The following RALGPS2 variants were observed in gnomAD, a reference collection of about 807,000 sequenced individuals.
RALGPS2 encodes ras-specific guanine nucleotide-releasing factor RalGPS2.
A neutral mutation model predicts 86.8 loss-of-function variants in RALGPS2; 43 were observed. The observed-to-expected ratio is 0.50, with a 90% CI of 0.39 to 0.64. The LOEUF (loss-of-function observed/expected upper bound fraction) is 0.64, where lower values mean the gene tolerates loss of function less well. Among genes scored for constraint, RALGPS2 ranks in the 30% least tolerant of loss-of-function variants. RALGPS2 has a pLI of 0.00. For synonymous variants in RALGPS2, 243 were observed against 231.3 expected (o/e 1.05, Z -0.46); for missense variants, 536 against 694.6 (o/e 0.77, Z 2.57).
intron 7 of RALGPS2, 78 bp downstream of exon 7, chr1:178,821,782 T>A: frequency 2.8e-6 from 3 of 1,088,674 alleles, no homozygotes; most frequent in Non-Finnish European, 4.1e-6. Flanking sequence ...TTTGTAATTC[T>A]TATTAAAGTT....
chr1:178,773,853 A>T (rs1219710992), intron 1 of RALGPS2, among the ~76,000 whole-genome samples: 2 of 152,116 alleles, frequency 1.3e-5, no homozygotes, highest in Non-Finnish European at 2.9e-5. Flanking sequence ...AAAAGTTTAT[A>T]TTCTTTAAGG....
intron 17 of RALGPS2, among the ~76,000 whole-genome samples, chr1:178,901,685 C>CAAA (rs574365904): frequency 1.7e-5 from 2 of 119,776 alleles, no homozygotes; most frequent in African/African-American, 6.1e-5. Flanking sequence ...GAGACTGTCT[C>CAAA]AAAAAAAAAA....
chr1:178,738,011 C>A (rs1216411909), intron 1 of RALGPS2, among the ~76,000 whole-genome samples: 1 of 151,754 alleles, frequency 6.6e-6, no homozygotes, highest in Non-Finnish European at 1.5e-5. Context: ...AACTCCTGGG[C>A]TCAAGTAATC....
At chr1:178,859,556 A>G (rs935893362) in intron 8 of RALGPS2, among the ~76,000 whole-genome samples, 28 of 151,464 alleles carry the variant, frequency 1.8e-4, no homozygotes, top group South Asian at 2.1e-4. Flanking sequence ...GGCGCCCGCC[A>G]CTACGAAGTT....
chr1:178,786,016 T>C (rs1323433854), intron 4 of RALGPS2, among the ~76,000 whole-genome samples: 1 of 152,044 alleles, frequency 6.6e-6, no homozygotes, highest in Non-Finnish European at 1.5e-5. Flanking sequence ...AGAGAAAAAA[T>C]GTTACTAAGA....
chr1:178,862,770 T>C (rs1423759582), intron 8 of RALGPS2, among the ~76,000 whole-genome samples: 1 of 152,138 alleles, frequency 6.6e-6, no homozygotes, highest in Non-Finnish European at 1.5e-5. Flanking sequence ...GAAGGTCCGC[T>C]AGGAAAGTAG....
intron 4 of RALGPS2, among the ~76,000 whole-genome samples, chr1:178,795,214 C>T (rs1437261908): frequency 6.6e-6 from 1 of 151,572 alleles, no homozygotes; most frequent in Non-Finnish European, 1.5e-5. Flanking sequence ...GTTTTATACT[C>T]TATTTATCCT....
intron 16 of RALGPS2, 72 bp downstream of exon 16, chr1:178,894,096 C>A: frequency 1.1e-6 from 1 of 871,558 alleles, no homozygotes; most frequent in Non-Finnish European, 1.7e-6. Context: ...TGTAAAAGTA[C>A]TAAAACAATT....
chr1:178,895,064 T>C lies in RALGPS2; in HGVS notation c.1431+1040T>C, dbSNP rs112692963. On this transcript the variant is annotated intron_variant, in intron 16 of 19. Transcript: ENST00000367635. ...AATGCTTTCCAAACCTATAACTATATTGGGGGGGGAAAAAAGGAAGATTGG... is the reference window on the plus strand; with the variant it reads ...AATGCTTTCCAAACCTATAACTATACTGGGGGGGGAAAAAAGGAAGATTGG... Among the ~76,000 whole-genome samples, 1,502 of 152,022 alleles carry C rather than the reference T, an allele frequency of 9.9e-3. 23 individuals are homozygous for C. Among genetic ancestry groups the C allele is most frequent in the African/African-American group, 0.034 (1,431 of 41,488 alleles).
intron 4 of RALGPS2, among the ~76,000 whole-genome samples, chr1:178,791,620 G>T (rs1411906603): frequency 2.0e-5 from 3 of 152,132 alleles, no homozygotes; most frequent in Non-Finnish European, 4.4e-5. Flanking sequence ...CAATAATGTA[G>T]ACAGTTTCTG....
At chr1:178,750,229 C>T (rs1309604402) in intron 1 of RALGPS2, among the ~76,000 whole-genome samples, 4 of 152,224 alleles carry the variant, frequency 2.6e-5, no homozygotes, top group African/African-American at 9.6e-5. Context: ...CTACACTTTG[C>T]AGGCCATGCA....
In RALGPS2 at chr1:178,894,306, A is replaced by C. The variant is rs74347239; in HGVS notation, c.1431+282A>C. On this transcript the variant is annotated intron_variant, in intron 16 of 19. Transcript: ENST00000367635. The stretch of plus-strand genomic sequence containing the variant: ...AATACCTTTTCTATCTTAACTAAGC[A>C]CTTAAGCCCACACAGTAACCGTAAC... The C allele has an allele frequency of 5.6e-4, 116 of 207,466 alleles. 2 individuals carry two copies. In the East Asian group the frequency reaches 0.011, roughly 19 times the overall value. The allele number at this position is 207,466 out of a possible 1,614,324, so 12.9% of individuals were successfully genotyped here. A position where few individuals can be genotyped will look rare whatever the true frequency, so the allele number is the denominator to read the frequency against.
intron 1 of RALGPS2, among the ~76,000 whole-genome samples, chr1:178,730,391 C>T (rs1377453346): frequency 6.6e-6 from 1 of 152,162 alleles, no homozygotes; most frequent in East Asian, 1.9e-4. Context: ...ATTAAATCAG[C>T]ATTCGTTGTT....
At chr1:178,833,836 T>G (rs1201981405) in intron 8 of RALGPS2, among the ~76,000 whole-genome samples, 3 of 152,160 alleles carry the variant, frequency 2.0e-5, no homozygotes, top group Non-Finnish European at 4.4e-5. Context: ...AGTAATGCTT[T>G]TAAAGAATAT....
chr1:178,778,819 TCA>T (rs1653236531), intron 2 of RALGPS2, among the ~76,000 whole-genome samples: 1 of 151,958 alleles, frequency 6.6e-6, no homozygotes, highest in Admixed American at 6.6e-5. Flanking sequence ...CCGCATATTC[TCA>T]CTCATAGGTG....
chr1:178,754,222 A>G (rs6671195), intron 1 of RALGPS2, among the ~76,000 whole-genome samples: 1 of 150,904 alleles, frequency 6.6e-6, no homozygotes, highest in African/African-American at 2.4e-5. Flanking sequence ...TAGGATGTGT[A>G]TATATATTTT....
intron 8 of RALGPS2, among the ~76,000 whole-genome samples, chr1:178,841,200 A>G (rs1239442814): frequency 1.3e-5 from 2 of 152,006 alleles, no homozygotes; most frequent in East Asian, 1.9e-4. Flanking sequence ...ACAACAAAAA[A>G]AGAGAATTTT....
At chr1:178,795,394 T>C (rs775386904) in intron 4 of RALGPS2, among the ~76,000 whole-genome samples, 1 of 152,084 alleles carries the variant, frequency 6.6e-6, no homozygotes, top group African/African-American at 2.4e-5. Context: ...CTGAATCTTA[T>C]TAATTAAAAT....
At chr1:178,823,118 A>C (rs958356514) in intron 7 of RALGPS2, among the ~76,000 whole-genome samples, 1 of 152,222 alleles carries the variant, frequency 6.6e-6, no homozygotes, top group African/African-American at 2.4e-5. Flanking sequence ...CATTACGCCC[A>C]GTCCTATACT....
Sources: gnomAD v4.1 joint callset for allele counts (sites outside exome capture counted in the v4.1 genomes callset) on GRCh38, gnomAD v4.1.1 for gene constraint, MANE v1.5 for transcripts, NCBI Gene and HGNC (gene_info 2026-07-23, HGNC 2026-07-21) for gene names.